The following SWAP70 variants were observed in gnomAD, a reference collection of about 807,000 sequenced individuals.
The protein encoded by SWAP70 is switching B cell complex subunit SWAP70.
SWAP70 carries 34 observed loss-of-function variants against 80.2 expected under a neutral mutation model. The ratio of observed to expected loss-of-function variants is 0.42; its 90% confidence interval spans 0.32 to 0.56. SWAP70 has a LOEUF of 0.56. Among genes scored for constraint, SWAP70 ranks in the 20% least tolerant of loss-of-function variants. The pLI is 0.09. For synonymous variants in SWAP70, 239 were observed against 238.5 expected, an observed-to-expected ratio of 1.00 and a Z score of -0.02; for missense variants, 578 against 690.7, an observed-to-expected ratio of 0.84 and a Z score of 1.83.
rs190010726 is a variant in SWAP70, at chr11:9,750,958, C to T, written c.*988C>T. On this transcript the variant is annotated 3_prime_UTR_variant, in exon 12 of 12. Transcript: ENST00000318950. ...CCCCTCACCTTAAAGGAGACTACCC[C>T]TTTGCCCCATATTGTCAACCTAATT... 41 of 152,352 alleles carry T rather than the reference C, an allele frequency of 2.7e-4. No homozygotes were observed. The highest frequency in any genetic ancestry group is 9.4e-4 in the African/African-American group (39 of 41,574). 9.4% of individuals were successfully genotyped at this position (152,352 alleles called of 1,614,324 possible).
intron 8 of SWAP70, 54 bp downstream of exon 8, chr11:9,738,374 G>A: frequency 7.4e-7 from 1 of 1,353,204 alleles, no homozygotes; most frequent in Non-Finnish European, 1.0e-6. Flanking sequence ...CTGGGTCGGT[G>A]GGAACAGGGA....
chr11:9,738,748 CTACTT>C (rs1253337909), intron 8 of SWAP70, among the ~76,000 whole-genome samples: 1 of 150,306 alleles, frequency 6.7e-6, no homozygotes, highest in Non-Finnish European at 1.5e-5. Context: ...GTAGTTCCAG[CTACTT>C]AGGAGGCTGA....
Position 9,673,322 on chromosome 11 carries a change from T to A in SWAP70, c.99+9044T>A, listed in dbSNP as rs531926330. On this transcript the variant is annotated intron_variant, in intron 1 of 11. Transcript: ENST00000318950. ...GTTTACTGATTTATTACAGAATATATTTTAAAGGATACAAATAGACAGATG... is the reference window on the plus strand; with the variant it reads ...GTTTACTGATTTATTACAGAATATAATTTAAAGGATACAAATAGACAGATG... Among the ~76,000 whole-genome samples, 3 of 152,300 alleles carry A rather than the reference T, an allele frequency of 2.0e-5. No individual in the cohort carries two copies. In the East Asian group the frequency reaches 5.8e-4, roughly 29 times the overall value.
At chr11:9,676,799 G>A (rs1590011919) in intron 1 of SWAP70, among the ~76,000 whole-genome samples, 2 of 151,944 alleles carry the variant, frequency 1.3e-5, no homozygotes, top group East Asian at 1.9e-4. Context: ...ACAGGCGCCC[G>A]CCACCACGCC....
At chr11:9,719,710 G>T (rs1223623322) in intron 3 of SWAP70, among the ~76,000 whole-genome samples, 1 of 152,120 alleles carries the variant, frequency 6.6e-6, no homozygotes, top group Admixed American at 6.5e-5. Flanking sequence ...ATTTTTGTTA[G>T]AATATATTCC....
intron 2 of SWAP70, among the ~76,000 whole-genome samples, chr11:9,705,668 T>C (rs1223759915): frequency 6.9e-6 from 1 of 144,708 alleles, no homozygotes; most frequent in Non-Finnish European, 1.5e-5. Context: ...ACACTGGTGA[T>C]CTGTGTACAC....
At chr11:9,664,902 A>C (rs1019803472) in intron 1 of SWAP70, among the ~76,000 whole-genome samples, 1 of 152,214 alleles carries the variant, frequency 6.6e-6, no homozygotes, top group Non-Finnish European at 1.5e-5. Context: ...GACGGGGTGT[A>C]CTGTGTCCCA....
chr11:9,744,023 C>T (rs1033983195), intron 9 of SWAP70, among the ~76,000 whole-genome samples: 4 of 148,020 alleles, frequency 2.7e-5, no homozygotes, highest in East Asian at 2.0e-4. Flanking sequence ...AGTGTAGTGG[C>T]GTGATCTCGG....
intron 1 of SWAP70, among the ~76,000 whole-genome samples, chr11:9,675,749 A>G (rs1389879773): frequency 6.6e-6 from 1 of 150,898 alleles, no homozygotes; most frequent in Non-Finnish European, 1.5e-5. Context: ...CTGTAATCTC[A>G]CTGGGCATCT....
chr11:9,712,237 CT>C (rs569247794), intron 2 of SWAP70, among the ~76,000 whole-genome samples: 144 of 152,278 alleles, frequency 9.5e-4, no homozygotes, highest in African/African-American at 3.3e-3. Flanking sequence ...TATCTTTGTA[CT>C]GTCTTTGGCA....
chr11:9,738,177 AC>A, intron 7 of SWAP70, 35 bp from the exon 8 acceptor site: 2 of 1,519,068 alleles, frequency 1.3e-6, no homozygotes, highest in Non-Finnish European at 1.8e-6. Context: ...CTACTCTAAC[AC>A]CTGCTTTTCT....
chr11:9,709,012 A>C (rs7935643), intron 2 of SWAP70, among the ~76,000 whole-genome samples: 53,956 of 151,884 alleles, frequency 0.36, 9,962 homozygotes, highest in African/African-American at 0.43. Context: ...CTCAAATGAG[A>C]CTCCCACCTC....
chr11:9,749,635 C>G (rs1236032166), intron 11 of SWAP70, among the ~76,000 whole-genome samples: 2 of 152,050 alleles, frequency 1.3e-5, no homozygotes, highest in African/African-American at 4.8e-5. Context: ...GTAAAAAAAC[C>G]AAGCTGTTCA....
rs530466057 is a variant in SWAP70, at chr11:9,666,535, T to C, written c.99+2257T>C. ...CTTTAAGGAGAATGTAGAAAACTTA[T>C]CACCATATAGGTCCCTTTACTCTCA... On this transcript the variant is annotated intron_variant, in intron 1 of 11. Coordinates refer to ENST00000318950, the MANE Select transcript of SWAP70 (RefSeq NM_015055.4). Among the ~76,000 whole-genome samples, 7 of 152,296 alleles carry C rather than the reference T, an allele frequency of 4.6e-5. No individual in the cohort carries two copies. The South Asian group carries it at 1.0e-3, about 23-fold the overall frequency.
At chr11:9,719,444 A>C (rs1486738796) in intron 3 of SWAP70, among the ~76,000 whole-genome samples, 3 of 151,994 alleles carry the variant, frequency 2.0e-5, no homozygotes, top group African/African-American at 4.8e-5. Context: ...GCTATATGGG[A>C]GGTTGAGGCA....
intron 2 of SWAP70, among the ~76,000 whole-genome samples, chr11:9,701,978 A>G (rs1005904065): frequency 3.3e-5 from 5 of 152,196 alleles, no homozygotes; most frequent in African/African-American, 7.2e-5. Context: ...CAGTATGCCA[A>G]GTTCCAATTG....
chr11:9,675,309 CAGAGAGGGAGCGAGAGAGAGAGAGAG>C (rs1305714308), intron 1 of SWAP70, among the ~76,000 whole-genome samples: 1,721 of 115,322 alleles, frequency 0.015, 697 homozygotes, highest in Middle Eastern at 0.037. Flanking sequence ...AAGAAAGAAA[CAGAGAGGGAGCGAGAGAGAGAGAGAG>C]AGAGAGGGAG....
intron 3 of SWAP70, among the ~76,000 whole-genome samples, chr11:9,714,525 T>C (rs1031026814): frequency 6.6e-6 from 1 of 152,198 alleles, no homozygotes; most frequent in Non-Finnish European, 1.5e-5. Context: ...AGCAGTGGAA[T>C]TCTGAGTCTT....
chr11:9,680,572 C>T lies in SWAP70; in HGVS notation c.100-13574C>T, dbSNP rs550104682. On this transcript the variant is annotated intron_variant, in intron 1 of 11. Transcript: ENST00000318950. Reference sequence around the variant, plus strand: ...CTGGTATTACAGGTGCCCGCTACCACGCCTGGATAATTTTTGTGTTTTTAG... The same window carrying T: ...CTGGTATTACAGGTGCCCGCTACCATGCCTGGATAATTTTTGTGTTTTTAG... 1.9e-3 allele frequency among the ~76,000 whole-genome samples: 296 copies of T among 152,208 alleles called. 1 individual carries two copies. Among genetic ancestry groups the T allele is most frequent in the Non-Finnish European group, 3.4e-3 (234 of 68,006 alleles).
Sources: gnomAD v4.1 joint callset for allele counts (sites outside exome capture counted in the v4.1 genomes callset) on GRCh38, gnomAD v4.1.1 for gene constraint, MANE v1.5 for transcripts, NCBI Gene and HGNC (gene_info 2026-07-23, HGNC 2026-07-21) for gene names.